The following BCOR variants were observed in gnomAD, a reference collection of about 807,000 sequenced individuals.
The protein encoded by BCOR is BCL6 corepressor.
A neutral mutation model predicts 86.7 loss-of-function variants in BCOR; 10 were observed. The ratio of observed to expected loss-of-function variants is 0.12; its 90% CI spans 0.07 to 0.20. The LOEUF (loss-of-function observed/expected upper bound fraction) is 0.20. Among genes scored for constraint, BCOR ranks in the 10% least tolerant of loss-of-function variants. BCOR has a pLI of 1.00. For missense variants in BCOR, 1,259 were observed against 1,452.1 expected (o/e 0.87, Z 2.16); for synonymous variants, 611 against 609.0 (o/e 1.00, Z -0.05).
intron 1 of BCOR, among the ~76,000 whole-genome samples, chrX:40,081,294 AG>A (rs1470695934): frequency 8.9e-6 from 1 of 111,745 alleles, no homozygotes; most frequent in Non-Finnish European, 1.9e-5. Flanking sequence ...ACTGAAGAAC[AG>A]GGGTCACCAT....
intron 1 of BCOR, among the ~76,000 whole-genome samples, chrX:40,125,026 G>A (rs1332441769): frequency 3.7e-5 from 4 of 107,782 alleles, no homozygotes; most frequent in African/African-American, 6.8e-5. Flanking sequence ...GTGTGGCGTC[G>A]GGGGGGCGGG....
intron 1 of BCOR, among the ~76,000 whole-genome samples, chrX:40,103,535 C>A (rs1343855370): frequency 9.0e-6 from 1 of 110,582 alleles, no homozygotes; most frequent in African/African-American, 3.3e-5. Flanking sequence ...CAAGGCCAAG[C>A]CCAGATTTTG....
At chrX:40,096,320 C>G (rs1252045696) in intron 1 of BCOR, among the ~76,000 whole-genome samples, 1 of 111,546 alleles carries the variant, frequency 9.0e-6, no homozygotes, top group Non-Finnish European at 1.9e-5. Context: ...TGCCCCCGCA[C>G]AAGCACATTC....
chrX:40,053,735 T>C, intron 14 of BCOR, 151 bp downstream of exon 14: 2 of 659,078 alleles, frequency 3.0e-6, no homozygotes, highest in Non-Finnish European at 4.7e-6. Context: ...GTGTACCCTT[T>C]CTGGAAAATA....
intron 12 of BCOR, among the ~76,000 whole-genome samples, chrX:40,054,824 G>A (rs1934512449): frequency 8.9e-6 from 1 of 112,480 alleles, no homozygotes; most frequent in African/African-American, 3.2e-5. Context: ...TCTCTTCTTT[G>A]ATAGCCTAAC....
chrX:40,081,674 G>A (rs998574943), intron 1 of BCOR, among the ~76,000 whole-genome samples: 1 of 112,991 alleles, frequency 8.9e-6, no homozygotes, highest in Non-Finnish European at 1.9e-5. Context: ...CTCATGAAAA[G>A]CACTTTACAA....
At chrX:40,168,760 C>G (rs1938558388) in intron 1 of BCOR, among the ~76,000 whole-genome samples, 1 of 113,441 alleles carries the variant, frequency 8.8e-6, no homozygotes, top group African/African-American at 3.2e-5. Flanking sequence ...TCTCGCCTTT[C>G]ATTACGGGGC....
At chrX:40,150,777 GAA>G (rs1342437382) in intron 1 of BCOR, among the ~76,000 whole-genome samples, 7 of 111,953 alleles carry the variant, frequency 6.3e-5, no homozygotes, top group African/African-American at 2.3e-4. Flanking sequence ...CTGAGCCTGT[GAA>G]ACCCACTAGC....
intron 1 of BCOR, among the ~76,000 whole-genome samples, chrX:40,163,495 T>A (rs1287592444): frequency 4.5e-5 from 5 of 110,808 alleles, no homozygotes; most frequent in African/African-American, 1.6e-4. Flanking sequence ...AAACCCCTAT[T>A]ACAATGTAGA....
chrX:40,110,059 T>C (rs942159374), intron 1 of BCOR, among the ~76,000 whole-genome samples: 2 of 112,816 alleles, frequency 1.8e-5, no homozygotes, highest in African/African-American at 6.4e-5. Context: ...TTTCATTTAA[T>C]GAATTCACCC....
At chrX:40,169,870 G>A (rs1172920039) in intron 1 of BCOR, among the ~76,000 whole-genome samples, 1 of 111,496 alleles carries the variant, frequency 9.0e-6, no homozygotes, top group East Asian at 2.9e-4. Context: ...GACGGGACCA[G>A]GGTTAACCCT....
intron 1 of BCOR, among the ~76,000 whole-genome samples, chrX:40,143,682 C>T (rs975310048): frequency 8.9e-6 from 1 of 112,989 alleles, no homozygotes; most frequent in African/African-American, 3.2e-5. Context: ...TTTGGCCAGG[C>T]GTGGTGGCTC....
At chrX:40,063,164 C>A in intron 8 of BCOR, 93 bp from the exon 9 acceptor site, 1 of 663,501 alleles carries the variant, frequency 1.5e-6, no homozygotes, top group Non-Finnish European at 2.3e-6. Flanking sequence ...GGAAGAAAAG[C>A]CCATTGTTAA....
intron 1 of BCOR, among the ~76,000 whole-genome samples, chrX:40,124,223 CAA>C (rs1443887906): frequency 2.7e-5 from 3 of 110,915 alleles, no homozygotes; most frequent in Non-Finnish European, 5.7e-5. Flanking sequence ...CGCTTGAGGT[CAA>C]GAGTTCACAA....
In BCOR at chrX:40,139,460, T is replaced by C. The variant is rs1354753051; in HGVS notation, c.-41+37547A>G. On this transcript the variant is annotated intron_variant, in intron 1 of 14. Coordinates refer to the BCOR transcript ENST00000342274. ...TATATATATATAATATATATACATA[T>C]ATATATATATATATATATATATATA... 6.6e-3 allele frequency among the ~76,000 whole-genome samples: 8 copies of C among 1,208 alleles called. 1 individual carries two copies. Among genetic ancestry groups the C allele is most frequent in the African/African-American group, 0.036 (6 of 166 alleles). 1.0% of individuals were successfully genotyped at this position (1,208 alleles called of 115,157 possible). A position where few individuals can be genotyped will look rare whatever the true frequency, so the allele number is the denominator to read the frequency against.
chrX:40,167,825 G>A (rs1468866640), intron 1 of BCOR, among the ~76,000 whole-genome samples: 1 of 113,091 alleles, frequency 8.8e-6, no homozygotes, highest in East Asian at 2.8e-4. Context: ...CTTTGCGAAA[G>A]GCAATTAAAA....
At chrX:40,146,781 C>T (rs1364635536) in intron 1 of BCOR, among the ~76,000 whole-genome samples, 1 of 112,377 alleles carries the variant, frequency 8.9e-6, no homozygotes, top group Non-Finnish European at 1.9e-5. Flanking sequence ...TCACCCAGAA[C>T]CCCCGCCGCC....
intron 1 of BCOR, among the ~76,000 whole-genome samples, chrX:40,083,496 A>T (rs1219180012): frequency 8.9e-6 from 1 of 112,220 alleles, no homozygotes; most frequent in Non-Finnish European, 1.9e-5. Flanking sequence ...CAGCACCCAG[A>T]ACCTTCCCGG....
chrX:40,096,937 TCTCCTC>T (rs1936911204), intron 1 of BCOR, among the ~76,000 whole-genome samples: 1 of 109,849 alleles, frequency 9.1e-6, no homozygotes, highest in Non-Finnish European at 1.9e-5. Context: ...AACTCCCTGC[TCTCCTC>T]CTGGCCCACC....
Sources: gnomAD v4.1 joint callset for allele counts (sites outside exome capture counted in the v4.1 genomes callset) on GRCh38, gnomAD v4.1.1 for gene constraint, MANE v1.5 for transcripts, NCBI Gene and HGNC (gene_info 2026-07-23, HGNC 2026-07-21) for gene names.